The following JAKMIP2 variants were observed in gnomAD, a reference collection of about 807,000 sequenced individuals.
The protein encoded by JAKMIP2 is janus kinase and microtubule interacting protein 2.
A neutral mutation model predicts 115.0 loss-of-function variants in JAKMIP2; 25 were observed. The observed-to-expected ratio is 0.22, with a 90% CI of 0.16 to 0.30. JAKMIP2 has a LOEUF of 0.30. Among genes scored for constraint, JAKMIP2 ranks in the 10% least tolerant of loss-of-function variants. The pLI is 1.00. For missense variants in JAKMIP2, 642 were observed against 957.6 expected, an observed-to-expected ratio of 0.67 and a Z score of 4.35; for synonymous variants, 334 against 343.6, an observed-to-expected ratio of 0.97 and a Z score of 0.31.
At chr5:147,676,570 G>A (rs1382092848) in intron 1 of JAKMIP2, among the ~76,000 whole-genome samples, 1 of 152,180 alleles carries the variant, frequency 6.6e-6, no homozygotes, top group East Asian at 1.9e-4. Context: ...CTAGCTGCAT[G>A]GTCAGGCAGC....
chr5:147,740,777 A>G (rs7723514), intron 1 of JAKMIP2, among the ~76,000 whole-genome samples: 6,788 of 152,278 alleles, frequency 0.045, 267 homozygotes, highest in East Asian at 0.11. Context: ...TGCTTGATAA[A>G]TGATAGCGTG....
At chr5:147,709,230 G>A (rs908228074) in intron 1 of JAKMIP2, among the ~76,000 whole-genome samples, 7 of 152,130 alleles carry the variant, frequency 4.6e-5, no homozygotes, top group Non-Finnish European at 8.8e-5. Context: ...TAGCAGAATT[G>A]AGACGATCTC....
In JAKMIP2 at chr5:147,591,565, G is replaced by T; in HGVS notation, c.*142C>A. The T allele has an allele frequency of 1.2e-6, 1 of 866,702 alleles. No homozygotes were observed. The highest frequency in any genetic ancestry group is 1.9e-6 in the Non-Finnish European group (1 of 520,264). 53.7% of individuals were successfully genotyped at this position (866,702 alleles called of 1,614,324 possible). A position where few individuals can be genotyped will look rare whatever the true frequency, so the allele number is the denominator to read the frequency against. ...AATGGCTTTAAAATACACAGTTGTA[G>T]TCCTGGCTACAGGGTAGTTCTTAGC... On this transcript the variant is annotated 3_prime_UTR_variant, in exon 22 of 22. Transcript: ENST00000616793.
At chr5:147,689,293 T>C (rs1760724257) in intron 1 of JAKMIP2, among the ~76,000 whole-genome samples, 1 of 152,072 alleles carries the variant, frequency 6.6e-6, no homozygotes, top group South Asian at 2.1e-4. Context: ...TTTGCATTGA[T>C]TTAAGCTTTT....
At chr5:147,641,619 T>C in intron 8 of JAKMIP2, 89 bp downstream of exon 8, 2 of 878,724 alleles carry the variant, frequency 2.3e-6, no homozygotes, top group Middle Eastern at 4.4e-4. Context: ...AACACCTGAT[T>C]CATCACATCT....
chr5:147,632,201 C>T (rs1170740961), intron 13 of JAKMIP2, among the ~76,000 whole-genome samples: 2 of 151,812 alleles, frequency 1.3e-5, no homozygotes, highest in East Asian at 3.9e-4. Context: ...TCTTTTTTTT[C>T]ATAAATGCAT....
At chr5:147,628,624 A>C (rs1032660846) in intron 16 of JAKMIP2, 127 bp downstream of exon 16, 1 of 606,910 alleles carries the variant, frequency 1.6e-6, no homozygotes, top group African/African-American at 1.8e-5. Flanking sequence ...CTACCCTTAA[A>C]AATAAAATGT....
intron 1 of JAKMIP2, among the ~76,000 whole-genome samples, chr5:147,686,770 T>C (rs1365768734): frequency 6.6e-6 from 1 of 152,232 alleles, no homozygotes; most frequent in East Asian, 1.9e-4. Context: ...ATATTAATTG[T>C]ATTTATATAC....
intron 1 of JAKMIP2, among the ~76,000 whole-genome samples, chr5:147,739,078 C>T (rs187183811): frequency 4.7e-4 from 72 of 152,190 alleles, no homozygotes; most frequent in Admixed American, 3.5e-3. Context: ...GCTCCTTAAG[C>T]CTCACCAAGG....
intron 7 of JAKMIP2, among the ~76,000 whole-genome samples, chr5:147,642,320 T>G (rs4577681): frequency 0.22 from 33,397 of 152,014 alleles, 4,629 homozygotes; most frequent in East Asian, 0.58. Context: ...TTTAAAAAAT[T>G]TTCTGGGAAT....
chr5:147,764,835 A>C (rs1019749636), intron 1 of JAKMIP2, among the ~76,000 whole-genome samples: 9 of 149,488 alleles, frequency 6.0e-5, no homozygotes, highest in African/African-American at 2.2e-4. Flanking sequence ...GCAGTGAGCC[A>C]AGATCATGCC....
chr5:147,727,380 A>G (rs1753559432), intron 1 of JAKMIP2, among the ~76,000 whole-genome samples: 1 of 152,222 alleles, frequency 6.6e-6, no homozygotes, highest in Admixed American at 6.5e-5. Flanking sequence ...GAGACTGGGT[A>G]ATTTATAAAG....
chr5:147,776,498 C>G (rs1006089940), intron 1 of JAKMIP2, among the ~76,000 whole-genome samples: 3 of 152,200 alleles, frequency 2.0e-5, no homozygotes, highest in African/African-American at 4.8e-5. Context: ...TCAATTAAAC[C>G]TCTTTCCTTT....
Position 147,632,788 on chromosome 5 carries a change from TA to T in JAKMIP2, c.1678-11del. ...CCTCCTGTTTTTCTATCTAATAAAG[TA>T]AATCCTGAAGTTAGGTAAGCATTGA... On this transcript the variant is annotated splice_polypyrimidine_tract_variant and intron_variant, in intron 12 of 21. Transcript: ENST00000616793. 6.4e-7 allele frequency: 1 copy of T among 1,569,500 alleles called. No homozygotes were observed. The highest frequency in any genetic ancestry group is 1.1e-5 in the South Asian group (1 of 89,500).
At position 147,661,240 on chromosome 5, in the gene JAKMIP2, T is replaced by C. The variant is rs949311934; in HGVS notation, c.335A>G (p.Gln112Arg). 4.3e-6 allele frequency: 7 copies of C among 1,613,880 alleles called. No individual in the cohort carries two copies. Reference protein sequence around the residue: ...RTVKVRDGEIQRLKSALCALR... With the variant: ...RTVKVRDGEIRRLKSALCALR... ...AGCACAGAGAGCAGACTTGAGCCTC[T>C]GGATCTCTCCATCACGTACCTTCAC... Residue 112 changes from glutamine (Q) to arginine (R), a missense_variant, in exon 3 of 22, where the codon CAG becomes CGG. Around this residue, in one of 6 missense-constraint regions of JAKMIP2, gnomAD observed 439 missense variants for 570.9 expected, o/e 0.77. Coordinates refer to ENST00000616793, the MANE Select transcript of JAKMIP2 (RefSeq NM_001270941.2).
rs1580922582 is a variant in JAKMIP2, at chr5:147,782,618, A to C, written c.-311T>G. The stretch of plus-strand genomic sequence containing the variant: ...GTTGGCGATGGTGCGAATAGGAACC[A>C]CCCTTCCAGCCCCACTAGAGTATCA... On this transcript the variant is annotated 5_prime_UTR_variant, in exon 1 of 22. Coordinates refer to ENST00000616793, the MANE Select transcript of JAKMIP2 (RefSeq NM_001270941.2). The C allele has an allele frequency of 1.4e-6, 1 of 730,070 alleles. No individual in the cohort carries two copies. The highest frequency in any genetic ancestry group is 2.4e-6 in the Non-Finnish European group (1 of 415,754). 45.2% of individuals were successfully genotyped at this position (730,070 alleles called of 1,614,324 possible).
At chr5:147,735,337 T>C (rs971891199) in intron 1 of JAKMIP2, among the ~76,000 whole-genome samples, 8 of 152,188 alleles carry the variant, frequency 5.3e-5, no homozygotes, top group African/African-American at 1.4e-4. Context: ...CTAATAAAGA[T>C]ATACCCAAGA....
chr5:147,702,283 T>C (rs1752350126), intron 1 of JAKMIP2, among the ~76,000 whole-genome samples: 1 of 139,660 alleles, frequency 7.2e-6, no homozygotes, highest in South Asian at 2.3e-4. Context: ...AATGATACAA[T>C]GGACTTTGAG....
At chr5:147,777,157 A>G (rs1755589731) in intron 1 of JAKMIP2, among the ~76,000 whole-genome samples, 1 of 152,172 alleles carries the variant, frequency 6.6e-6, no homozygotes. Context: ...ACCAAGGTTA[A>G]TTTAATACCC....
Sources: allele counts gnomAD v4.1 joint callset (sites outside exome capture counted in the v4.1 genomes callset), GRCh38; gene constraint gnomAD v4.1.1; regional missense constraint gnomAD v4.1.1; transcripts MANE v1.5; gene names NCBI Gene and HGNC (gene_info 2026-07-23, HGNC 2026-07-21).